The following CC2D1B variants were observed in gnomAD, a reference collection of about 807,000 sequenced individuals.
CC2D1B encodes coiled-coil and C2 domain-containing protein 1B.
In CC2D1B, 92 loss-of-function variants were observed where a neutral mutation model predicts 110.8. That is an observed-to-expected ratio of 0.83 (90% CI 0.70 to 0.99). The LOEUF is 0.99. Ranked by LOEUF, CC2D1B falls within the 50% of genes least tolerant of loss-of-function variation. The pLI is 0.00. For synonymous variants in CC2D1B, 406 were observed against 429.2 expected, an observed-to-expected ratio of 0.95 and a Z score of 0.67; for missense variants, 1,136 against 1,089.0, an observed-to-expected ratio of 1.04 and a Z score of -0.61.
intron 12 of CC2D1B, 109 bp downstream of exon 12, chr1:52,358,577 C>T: frequency 6.3e-7 from 1 of 1,579,010 alleles, no homozygotes; most frequent in Non-Finnish European, 8.7e-7. Flanking sequence ...TGGATGGCTC[C>T]ACAGAGGGGA....
chr1:52,356,204 T>C lies in CC2D1B; in HGVS notation c.2036A>G (p.Lys679Arg). ...TTGGTACCTCACAGTCTGGAATGTCTTCAACTCAAAGTGGTGGGTGGGAGG... is the reference window on the plus strand; with the variant it reads ...TTGGTACCTCACAGTCTGGAATGTCCTCAACTCAAAGTGGTGGGTGGGAGG... ...LDPPTHHFEL[K>R]TFQTVRIFSE... The change falls in exon 18 of 25, where the codon AAG becomes AGG. Residue 679 changes from lysine (K) to arginine (R), a missense_variant. By Grantham distance (26) the Lys-to-Arg change is conservative. Coordinates refer to ENST00000284376, the MANE Select transcript of CC2D1B (RefSeq NM_001330585.2). The C allele has an allele frequency of 6.2e-7, 1 of 1,613,700 alleles. No homozygotes were observed. Among genetic ancestry groups the C allele is most frequent in the Non-Finnish European group, 8.5e-7 (1 of 1,179,632 alleles).
chr1:52,364,475 T>C, intron 2 of CC2D1B, 77 bp downstream of exon 2: 2 of 883,668 alleles, frequency 2.3e-6, no homozygotes, highest in Non-Finnish European at 1.7e-6. Flanking sequence ...GAACTACATG[T>C]GATCCAGTTT....
intron 16 of CC2D1B, chr1:52,356,745 A>G (rs572388071): frequency 3.3e-6 from 2 of 599,156 alleles, no homozygotes; most frequent in Non-Finnish European, 5.9e-6. Flanking sequence ...AGATAAATAC[A>G]TAAACATACA....
At position 52,353,618 on chromosome 1, in the gene CC2D1B, C is replaced by T. The variant is rs41294496; in HGVS notation, c.2460G>A (p.Gly820=). 0.012 allele frequency: 19,956 copies of T among 1,609,500 alleles called. 172 individuals carry two copies. Among genetic ancestry groups the T allele is most frequent in the Non-Finnish European group, 0.015 (17,756 of 1,177,706 alleles). ...GCAGCCTCACCTTCACCTCCAGCTTCCCCCCGGTGGGCTTCCTTCCATCCA... is the reference window on the plus strand; with the variant it reads ...GCAGCCTCACCTTCACCTCCAGCTTTCCCCCGGTGGGCTTCCTTCCATCCA... ...EVLDGRKPTG[G]KLEVKVRLRE... The change falls in exon 24 of 25, where the codon GGG becomes GGA. Residue 820 remains glycine (G), a synonymous_variant. Transcript: ENST00000284376.
chr1:52,355,609 G>T lies in CC2D1B; in HGVS notation c.2186C>A (p.Ser729Ter). 6.2e-7 allele frequency: 1 copy of T among 1,614,162 alleles called. No individual in the cohort carries two copies. Among genetic ancestry groups the T allele is most frequent in the Non-Finnish European group, 8.5e-7 (1 of 1,180,004 alleles). ...FVRFEFHYPNSDQAQKSKTAV... is the reference protein window; with the variant it reads ...FVRFEFHYPN ...ATCCTACTTCTACCTGAACCTCACC[G>T]AGTTAGGGTAGTGAAACTCAAACCG... Residue 729 changes from serine to a stop codon, truncating the protein, a stop_gained and splice_region_variant, in exon 20 of 25, where the codon TCG (serine) becomes TAG (stop). Transcript: ENST00000284376. LOFTEE classifies it high-confidence loss of function.
In CC2D1B at chr1:52,352,119, A is replaced by G. The variant is rs573706279; in HGVS notation, c.*1106T>C. 14 of 152,276 alleles carry G rather than the reference A, an allele frequency of 9.2e-5. No homozygotes were observed. Among genetic ancestry groups the G allele is most frequent in the African/African-American group, 3.4e-4 (14 of 41,530 alleles). The allele number at this position is 152,276 out of a possible 1,614,324, so 9.4% of individuals were successfully genotyped here. On this transcript the variant is annotated 3_prime_UTR_variant, in exon 25 of 25. Transcript: ENST00000284376. Reference sequence around the variant, plus strand: ...TTGCTTCACTTCTAACCTTTTTTAAAAGTGATCTTGAGGAATGCTTTGTTG... The same window carrying G: ...TTGCTTCACTTCTAACCTTTTTTAAGAGTGATCTTGAGGAATGCTTTGTTG...
At position 52,360,534 on chromosome 1, in the gene CC2D1B, CCT is replaced by C. The variant is rs1210395283; in HGVS notation, c.491_492del (p.Gln164ArgfsTer54). 6 of 1,614,096 alleles carry C rather than the reference CCT, an allele frequency of 3.7e-6. No individual in the cohort carries two copies. The highest frequency in any genetic ancestry group is 4.5e-5 in the East Asian group (2 of 44,884). On this transcript the variant is annotated frameshift_variant, in exon 6 of 25. Transcript: ENST00000284376. LOFTEE classifies it high-confidence loss of function. Reference protein sequence around the residue: ...SAPAAQAGASQGLHALLEERI... With the variant: ...SAPAAQAGASXGLHALLEERI... Reference sequence around the variant, plus strand: ...CGTTCCTCCAGCAAAGCGTGTAGCCCCTGAGATGCTCCGGCCTATGAACAATT... The same window carrying C: ...CGTTCCTCCAGCAAAGCGTGTAGCCCGAGATGCTCCGGCCTATGAACAATT...
rs773066252 is a variant in CC2D1B, at chr1:52,357,126, C to T, written c.1753G>A (p.Val585Met). ...RSGRPVDLSK[V>M]PSPLTDEEGD... ...TCCTCATCCGTCAAGGGCGAAGGCA[C>T]CTACCCAGGTCACAAGGCCCCTCGG... Residue 585 changes from valine (V) to methionine (M), a missense_variant and splice_region_variant, in exon 16 of 25, where the codon GTG becomes ATG. Val to Met is a conservative substitution (Grantham distance 21). Coordinates refer to ENST00000284376, the MANE Select transcript of CC2D1B (RefSeq NM_001330585.2). The T allele has an allele frequency of 5.0e-6, 8 of 1,613,958 alleles. No individual in the cohort carries two copies. The South Asian group carries it at 5.5e-5, about 11-fold the overall frequency.
rs200076731 is a variant in CC2D1B at position 52,361,103 on chromosome 1, G to T, written c.348C>A (p.Asp116Glu). The T allele has an allele frequency of 1.5e-5, 24 of 1,613,820 alleles. No individual in the cohort carries two copies. The highest frequency in any genetic ancestry group is 3.3e-5 in the Admixed American group (2 of 59,992). Reference protein sequence around the residue: ...LTELQEVLGVDEETEPLDGDE... With the variant: ...LTELQEVLGVEEETEPLDGDE... ...CACCATCCAGGGGCTCAGTCTCCTC[G>T]TCCACACCTAAGACCTCCTGCAGCT... Residue 116 changes from aspartate to glutamate, a missense_variant, in exon 5 of 25, where the codon GAC (aspartate) becomes GAA (glutamate). By Grantham distance (45) the Asp-to-Glu change is conservative. Coordinates refer to ENST00000284376, the MANE Select transcript of CC2D1B (RefSeq NM_001330585.2).
chr1:52,357,645 C>T lies in CC2D1B; in HGVS notation c.1633G>A (p.Ala545Thr), dbSNP rs1057088965. Reference protein sequence around the residue: ...EARKLQYQRAALQAKRSQDLE... With the variant: ...EARKLQYQRATLQAKRSQDLE... ...TCCTGGCTGCGCTTGGCCTGCAGGG[C>T]TGCCCGCTGATACTGCAGTTTCCGT... Residue 545 changes from alanine to threonine, a missense_variant, in exon 15 of 25, where the codon GCC becomes ACC. Coordinates refer to ENST00000284376, the MANE Select transcript of CC2D1B (RefSeq NM_001330585.2). 6.6e-5 allele frequency: 106 copies of T among 1,596,956 alleles called. No homozygotes were observed. The highest frequency in any genetic ancestry group is 8.7e-5 in the Non-Finnish European group (102 of 1,171,500).
chr1:52,353,567 C>T lies in CC2D1B; in HGVS notation c.2511G>A (p.Val837=), dbSNP rs1203823023. 1.2e-6 allele frequency: 2 copies of T among 1,613,958 alleles called. No individual in the cohort carries two copies. Among genetic ancestry groups the T allele is most frequent in the African/African-American group, 2.7e-5 (2 of 74,904 alleles). The part of the protein sequence containing the change: ...RLREPLSGQD[V]QMVTENWLVL... ...CCAGCCAGTTCTCAGTGACCATCTG[C>T]ACATCCTGGCCACTCAGAGGCTCCC... The change falls in exon 24 of 25, where the codon GTG becomes GTA. Residue 837 remains valine, a synonymous_variant. Transcript: ENST00000284376.
At chr1:52,353,338 T>C (rs1557538009) in intron 24 of CC2D1B, 115 bp from the exon 25 acceptor site, 2 of 1,484,752 alleles carry the variant, frequency 1.3e-6, no homozygotes, top group African/African-American at 1.4e-5. Context: ...CCTTGGAAGG[T>C]TACCTTCTCT....
intron 12 of CC2D1B, 84 bp from the exon 13 acceptor site, chr1:52,358,545 C>A: frequency 6.2e-7 from 1 of 1,602,598 alleles, no homozygotes; most frequent in South Asian, 1.1e-5. Context: ...TGGGGCATGG[C>A]TCTGCTGGGG....
At chr1:52,356,835 GA>G in intron 16 of CC2D1B, 165 bp downstream of exon 16, 1 of 747,776 alleles carries the variant, frequency 1.3e-6, no homozygotes, top group Non-Finnish European at 2.1e-6. Context: ...TCTCATAGAT[GA>G]GGAAAATGTA....
chr1:52,357,877 G>T lies in CC2D1B; in HGVS notation c.1483C>A (p.Pro495Thr). The T allele has an allele frequency of 6.3e-7, 1 of 1,576,940 alleles. No homozygotes were observed. Among genetic ancestry groups the T allele is most frequent in the South Asian group, 1.2e-5 (1 of 84,032 alleles). ...EDEGEPPAQA[P>T]VAKKPARPTV... ...GGCCGTGCAGGTTTCTTGGCCACTGGGGCCTGTGCTGGGGGCTCACCCTGC... is the reference window on the plus strand; with the variant it reads ...GGCCGTGCAGGTTTCTTGGCCACTGTGGCCTGTGCTGGGGGCTCACCCTGC... Residue 495 changes from proline (P) to threonine (T), a missense_variant, in exon 14 of 25, where the codon CCA becomes ACA. By Grantham distance (38) the Pro-to-Thr change is conservative. Coordinates refer to ENST00000284376, the MANE Select transcript of CC2D1B (RefSeq NM_001330585.2).
In CC2D1B at chr1:52,352,494, A is replaced by ATGAGTT. The variant is rs1201569231; in HGVS notation, c.*725_*730dup. The ATGAGTT allele has an allele frequency of 6.6e-6, 1 of 152,616 alleles. No individual in the cohort carries two copies. The highest frequency in any genetic ancestry group is 2.4e-5 in the African/African-American group (1 of 41,442). 9.5% of individuals were successfully genotyped at this position (152,616 alleles called of 1,614,324 possible). Reference sequence around the variant, plus strand: ...TATAGTTGAGTATAAAATCCCTACAATGAGTTAGACTTAGTTTCCTAGATA... The same window carrying ATGAGTT: ...TATAGTTGAGTATAAAATCCCTACAATGAGTTTGAGTTAGACTTAGTTTCCTAGATA... On this transcript the variant is annotated 3_prime_UTR_variant, in exon 25 of 25. Coordinates refer to ENST00000284376, the MANE Select transcript of CC2D1B (RefSeq NM_001330585.2).
intron 16 of CC2D1B, 157 bp from the exon 17 acceptor site, chr1:52,356,599 A>G: frequency 1.4e-6 from 1 of 719,696 alleles, no homozygotes; most frequent in Non-Finnish European, 2.3e-6. Flanking sequence ...AAGTCCCACC[A>G]CGTTTCTCTG....
Position 52,360,443 on chromosome 1 carries a change from C to A in CC2D1B, c.584G>T (p.Arg195Leu). The A allele has an allele frequency of 1.2e-6, 2 of 1,613,776 alleles. No homozygotes were observed. The highest frequency in any genetic ancestry group is 1.7e-6 in the Non-Finnish European group (2 of 1,179,964). The part of the protein sequence containing the change: ...KEAGEAAKAR[R>L]CERGLKTLES... ...ACTCACCTTCAGGCCGCGCTCGCAG[C>A]GCCTGGCTTTGGCTGCTTCGCCTGC... is the stretch of plus-strand genomic sequence containing the variant. The change falls in exon 6 of 25, where the codon CGC becomes CTC. Residue 195 changes from arginine (R) to leucine (L), a missense_variant. Coordinates refer to ENST00000284376, the MANE Select transcript of CC2D1B (RefSeq NM_001330585.2).
chr1:52,359,899 C>T lies in CC2D1B; in HGVS notation c.764-16G>A. 1 of 1,606,320 alleles carries T rather than the reference C, an allele frequency of 6.2e-7. No individual in the cohort carries two copies. Among genetic ancestry groups the T allele is most frequent in the Non-Finnish European group, 8.5e-7 (1 of 1,176,418 alleles). ...GAGGGGTTGTCTATAAGGAAACAAACAGTCCCCAGAGAGCACATGAGGGTC... is the reference window on the plus strand; with the variant it reads ...GAGGGGTTGTCTATAAGGAAACAAATAGTCCCCAGAGAGCACATGAGGGTC... On this transcript the variant is annotated splice_polypyrimidine_tract_variant and intron_variant, in intron 7 of 24. Transcript: ENST00000284376.
Sources: gnomAD v4.1 joint callset for allele counts on GRCh38, gnomAD v4.1.1 for gene constraint, MANE v1.5 for transcripts, NCBI Gene and HGNC (gene_info 2026-07-23, HGNC 2026-07-21) for gene names.